PPARG: variants seen among roughly 807,000 people sequenced by gnomAD.
The protein encoded by PPARG is peroxisome proliferator activated receptor gamma.
PPARG carries 17 observed loss-of-function variants against 39.2 expected under a neutral mutation model. That is an observed-to-expected ratio of 0.43 (90% CI 0.30 to 0.65). The LOEUF (loss-of-function observed/expected upper bound fraction) is 0.65. PPARG is among the 30% of genes least tolerant of loss of function. The pLI is 0.13. For missense variants in PPARG, 406 were observed against 585.9 expected (o/e 0.69, Z 3.17); for synonymous variants, 223 against 215.7 (o/e 1.03, Z -0.30).
chr3:12,337,538 T>C (rs2048048599), intron 2 of PPARG, among the ~76,000 whole-genome samples: 2 of 152,206 alleles, frequency 1.3e-5, no homozygotes, highest in African/African-American at 4.8e-5. Flanking sequence ...AAAGAAAATC[T>C]TAGAAGCCAT....
At chr3:12,355,135 A>G (rs904994914) in intron 2 of PPARG, among the ~76,000 whole-genome samples, 6 of 152,036 alleles carry the variant, frequency 3.9e-5, no homozygotes, top group African/African-American at 1.4e-4. Context: ...ATTGACACAG[A>G]TCTTCTTTTT....
chr3:12,347,686 C>T (rs1281991700), intron 2 of PPARG, among the ~76,000 whole-genome samples: 1 of 152,152 alleles, frequency 6.6e-6, no homozygotes, highest in Admixed American at 6.6e-5. Context: ...GGAGCATCAT[C>T]CAGAAATTTA....
chr3:12,383,802 C>G (rs548061010), intron 4 of PPARG, among the ~76,000 whole-genome samples: 1 of 151,960 alleles, frequency 6.6e-6, no homozygotes, highest in South Asian at 2.1e-4. Context: ...AATCTGAGTT[C>G]TGAGGGCACT....
intron 7 of PPARG, among the ~76,000 whole-genome samples, chr3:12,418,819 A>G (rs1251648490): frequency 6.6e-6 from 1 of 152,210 alleles, no homozygotes; most frequent in Non-Finnish European, 1.5e-5. Context: ...TTAAATGCCT[A>G]GGGTGCAAAT....
intron 2 of PPARG, among the ~76,000 whole-genome samples, chr3:12,346,303 A>G (rs1297370619): frequency 2.0e-5 from 3 of 152,248 alleles, no homozygotes; most frequent in Non-Finnish European, 4.4e-5. Flanking sequence ...ATGAAAAGGA[A>G]ATAGTAACTC....
intron 2 of PPARG, among the ~76,000 whole-genome samples, chr3:12,338,560 A>C (rs2048083724): frequency 6.6e-6 from 1 of 152,238 alleles, no homozygotes; most frequent in South Asian, 2.1e-4. Context: ...ATATATTTAC[A>C]CAACCAAAAT....
At chr3:12,381,261 T>A (rs2049642441) in intron 3 of PPARG, 61 bp from the exon 4 acceptor site, 3 of 1,528,872 alleles carry the variant, frequency 2.0e-6, no homozygotes, top group Admixed American at 1.8e-5. Flanking sequence ...TGGCTTGCCC[T>A]GTTGCCTTTT....
chr3:12,295,399 T>C (rs2046753690), intron 1 of PPARG, among the ~76,000 whole-genome samples: 1 of 152,154 alleles, frequency 6.6e-6, no homozygotes. Context: ...TTTGGCAATA[T>C]AGGATTACTA....
intron 5 of PPARG, among the ~76,000 whole-genome samples, chr3:12,404,606 C>A (rs2050592017): frequency 6.6e-6 from 1 of 152,242 alleles, no homozygotes; most frequent in African/African-American, 2.4e-5. Context: ...GAGTTTGAGA[C>A]CCACCTGGAC....
intron 2 of PPARG, among the ~76,000 whole-genome samples, chr3:12,335,936 C>G (rs949814349): frequency 2.0e-5 from 3 of 152,120 alleles, no homozygotes; most frequent in Non-Finnish European, 2.9e-5. Flanking sequence ...CCTTACCTTG[C>G]TTAATCTTAA....
intron 1 of PPARG, among the ~76,000 whole-genome samples, chr3:12,290,646 G>T: frequency 6.6e-6 from 1 of 152,048 alleles, no homozygotes; most frequent in East Asian, 1.9e-4. Context: ...ACTAATGGTC[G>T]TAGTGAATTG....
At chr3:12,325,235 A>G (rs544532593) in intron 2 of PPARG, among the ~76,000 whole-genome samples, 1 of 152,294 alleles carries the variant, frequency 6.6e-6, no homozygotes, top group Non-Finnish European at 1.5e-5. Context: ...AGCCTGGCCA[A>G]CATGGTAAAA....
chr3:12,306,668 A>G (rs1485471473), intron 1 of PPARG, among the ~76,000 whole-genome samples: 1 of 152,230 alleles, frequency 6.6e-6, no homozygotes, highest in African/African-American at 2.4e-5. Context: ...TTAAACTTTT[A>G]GTTGTGTTAA....
chr3:12,306,777 A>G (rs1031694377), intron 1 of PPARG, among the ~76,000 whole-genome samples: 1 of 152,198 alleles, frequency 6.6e-6, no homozygotes, highest in Non-Finnish European at 1.5e-5. Flanking sequence ...AAATCTTTAT[A>G]TTTAGTAACT....
chr3:12,405,872 T>G lies in PPARG; in HGVS notation c.530-10T>G. The G allele has an allele frequency of 6.2e-7, 1 of 1,612,032 alleles. No homozygotes were observed. The highest frequency in any genetic ancestry group is 8.5e-7 in the Non-Finnish European group (1 of 1,178,202). ...CAATGATTCATCCTGTCATTCCTCT[T>G]CCTCTATAGCCATCAGGTTTGGGCG... On this transcript the variant is annotated splice_polypyrimidine_tract_variant and intron_variant, in intron 5 of 7. Coordinates refer to ENST00000651735, the MANE Select transcript of PPARG (RefSeq NM_138711.6).
intron 2 of PPARG, among the ~76,000 whole-genome samples, chr3:12,333,592 A>G (rs572485111): frequency 4.3e-4 from 66 of 152,206 alleles, no homozygotes; most frequent in African/African-American, 1.5e-3. Context: ...CCATCTCGCT[A>G]TGGAACCTTG....
intron 4 of PPARG, among the ~76,000 whole-genome samples, chr3:12,388,007 A>AT (rs2049943025): frequency 6.6e-6 from 1 of 152,144 alleles, no homozygotes; most frequent in South Asian, 2.1e-4. Flanking sequence ...GCCAAGTAGC[A>AT]TTTTCACCCA....
intron 1 of PPARG, among the ~76,000 whole-genome samples, chr3:12,307,584 AAGAG>A (rs1309158128): frequency 6.6e-6 from 1 of 152,174 alleles, no homozygotes; most frequent in Non-Finnish European, 1.5e-5. Context: ...GAATGAGAGG[AAGAG>A]AGAGAGATCG....
chr3:12,424,424 G>T (rs2051365982), intron 7 of PPARG, among the ~76,000 whole-genome samples: 1 of 152,204 alleles, frequency 6.6e-6, no homozygotes, highest in South Asian at 2.1e-4. Flanking sequence ...TGACTATGGG[G>T]TCGAATGCTG....
Sources: gnomAD v4.1 joint callset for allele counts (sites outside exome capture counted in the v4.1 genomes callset) on GRCh38, gnomAD v4.1.1 for gene constraint, MANE v1.5 for transcripts, NCBI Gene and HGNC (gene_info 2026-07-23, HGNC 2026-07-21) for gene names.